SRBD1: variants seen among roughly 807,000 people sequenced by gnomAD.
The protein encoded by SRBD1 is S1 RNA-binding domain-containing protein 1.
A neutral mutation model predicts 115.3 loss-of-function variants in SRBD1; 88 were observed. That is an observed-to-expected ratio of 0.76 (90% CI 0.64 to 0.91). The LOEUF (loss-of-function observed/expected upper bound fraction) is 0.91, where lower values mean the gene tolerates loss of function less well. Ranked by LOEUF, SRBD1 falls within the 40% of genes least tolerant of loss-of-function variation. The pLI, the probability that SRBD1 is intolerant of heterozygous loss-of-function variation, is 0.00. For missense variants in SRBD1, 1,385 were observed against 1,177.4 expected (o/e 1.18, Z -2.58); for synonymous variants, 509 against 407.7 (o/e 1.25, Z -2.99).
chr2:45,410,136 A>G (rs529741692), intron 19 of SRBD1, among the ~76,000 whole-genome samples: 1 of 152,372 alleles, frequency 6.6e-6, no homozygotes, highest in East Asian at 1.9e-4. Flanking sequence ...AAAAATGGCT[A>G]GTAAGCACAT....
chr2:45,462,931 G>A (rs1243368419), intron 16 of SRBD1, among the ~76,000 whole-genome samples: 3 of 149,848 alleles, frequency 2.0e-5, no homozygotes, highest in Non-Finnish European at 4.4e-5. Flanking sequence ...CATTTCTGTG[G>A]ACTGAAAAAC....
intron 14 of SRBD1, among the ~76,000 whole-genome samples, chr2:45,499,586 G>A (rs1670562747): frequency 6.6e-6 from 1 of 152,100 alleles, no homozygotes; most frequent in African/African-American, 2.4e-5. Flanking sequence ...CTGATCGGCA[G>A]CATTTCCCCC....
intron 4 of SRBD1, among the ~76,000 whole-genome samples, chr2:45,591,563 G>A (rs1039723110): frequency 6.6e-6 from 1 of 152,182 alleles, no homozygotes; most frequent in Non-Finnish European, 1.5e-5. Flanking sequence ...ACATGTACAA[G>A]GAGTGTGAAG....
chr2:45,605,548 A>T (rs1276538929), intron 1 of SRBD1, 107 bp from the exon 2 acceptor site: 1 of 1,048,634 alleles, frequency 9.5e-7, no homozygotes, highest in Non-Finnish European at 1.4e-6. Context: ...GAAAAAAACA[A>T]AAACAATGAT....
intron 14 of SRBD1, among the ~76,000 whole-genome samples, chr2:45,513,256 C>A (rs557652405): frequency 1.4e-4 from 22 of 152,196 alleles, no homozygotes; most frequent in African/African-American, 5.3e-4. Flanking sequence ...ACTGTGTTAG[C>A]CCAAACGTAA....
At chr2:45,403,944 G>C (rs560729968) in intron 19 of SRBD1, among the ~76,000 whole-genome samples, 1 of 152,114 alleles carries the variant, frequency 6.6e-6, no homozygotes, top group Non-Finnish European at 1.5e-5. Context: ...CATTTAGAAC[G>C]TGCAGAGCAC....
intron 18 of SRBD1, among the ~76,000 whole-genome samples, chr2:45,414,714 G>GTA (rs141627324): frequency 1.0e-5 from 1 of 99,722 alleles, no homozygotes; most frequent in East Asian, 2.2e-4. Context: ...TATATAGTAT[G>GTA]TATATACACA....
intron 4 of SRBD1, among the ~76,000 whole-genome samples, chr2:45,590,783 G>C (rs574938774): frequency 2.0e-5 from 3 of 152,264 alleles, no homozygotes; most frequent in Non-Finnish European, 4.4e-5. Flanking sequence ...TTGGGAGGCC[G>C]AGGCGTGCGG....
chr2:45,528,366 T>C (rs1671513373), intron 14 of SRBD1, among the ~76,000 whole-genome samples: 1 of 151,756 alleles, frequency 6.6e-6, no homozygotes, highest in Non-Finnish European at 1.5e-5. Context: ...AGGAGACACA[T>C]TTCAGAGACA....
intron 1 of SRBD1, among the ~76,000 whole-genome samples, chr2:45,607,544 C>A (rs945773365): frequency 1.3e-5 from 2 of 151,848 alleles, no homozygotes; most frequent in Non-Finnish European, 2.9e-5. Context: ...AAAAGACTAA[C>A]AAATTGCAAC....
intron 16 of SRBD1, among the ~76,000 whole-genome samples, chr2:45,437,357 TAA>T (rs144108756): frequency 1.6e-4 from 22 of 133,960 alleles, no homozygotes; most frequent in Middle Eastern, 3.8e-3. Context: ...AGTATTGGTT[TAA>T]AAAAAAAAAA....
intron 16 of SRBD1, among the ~76,000 whole-genome samples, chr2:45,437,430 C>G (rs756032839): frequency 2.7e-4 from 41 of 150,136 alleles, no homozygotes; most frequent in Non-Finnish European, 3.7e-4. Flanking sequence ...ATAGAGTCAA[C>G]TGATCTTTGA....
At chr2:45,436,549 C>T (rs1668504936) in intron 16 of SRBD1, among the ~76,000 whole-genome samples, 1 of 152,112 alleles carries the variant, frequency 6.6e-6, no homozygotes, top group African/African-American at 2.4e-5. Flanking sequence ...CTGGGGAGGC[C>T]TCAGGAAACT....
At chr2:45,473,200 AT>A (rs1051900760) in intron 16 of SRBD1, among the ~76,000 whole-genome samples, 20 of 152,074 alleles carry the variant, frequency 1.3e-4, no homozygotes, top group African/African-American at 4.6e-4. Context: ...TAAATATCTT[AT>A]TGGTGGTTGT....
chr2:45,599,893 A>T, intron 3 of SRBD1, 58 bp from the exon 4 acceptor site: 2 of 1,502,786 alleles, frequency 1.3e-6, no homozygotes, highest in South Asian at 2.6e-5. Context: ...ATTTCCTGGG[A>T]CTATTACTCA....
intron 14 of SRBD1, among the ~76,000 whole-genome samples, chr2:45,517,926 G>C (rs2103945708): frequency 6.6e-6 from 1 of 152,180 alleles, no homozygotes; most frequent in South Asian, 2.1e-4. Flanking sequence ...CCTTGAGCCT[G>C]GGAGGTTGAG....
chr2:45,535,743 A>T (rs945896246), intron 14 of SRBD1, among the ~76,000 whole-genome samples: 1 of 151,936 alleles, frequency 6.6e-6, no homozygotes, highest in African/African-American at 2.4e-5. Context: ...ATCCTATCTC[A>T]CAAATCAAAA....
At chr2:45,394,844 C>T (rs560375810) in intron 19 of SRBD1, among the ~76,000 whole-genome samples, 70 of 152,070 alleles carry the variant, frequency 4.6e-4, no homozygotes, top group Non-Finnish European at 6.5e-4. Context: ...AATAAAATAC[C>T]AAAACGTTGG....
At position 45,601,961 on chromosome 2, in the gene SRBD1, T is replaced by C. The variant is rs1159465312; in HGVS notation, c.203A>G (p.Lys68Arg). ...ESKPKRMPRV[K>R]KNAPQISDGS... ...ATCACTGATCTGTGGGGCATTCTTC[T>C]TCACCCGAGGCATCCTCTTTGGTTT... Residue 68 changes from lysine (K) to arginine (R), a missense_variant, in exon 3 of 21, where the codon AAG becomes AGG. By Grantham distance (26) the Lys-to-Arg change is conservative. Transcript: ENST00000263736. 1 of 1,614,220 alleles carries C rather than the reference T, an allele frequency of 6.2e-7. No individual in the cohort carries two copies. Among genetic ancestry groups the C allele is most frequent in the South Asian group, 1.1e-5 (1 of 91,086 alleles).
Sources: gnomAD v4.1 joint callset for allele counts (sites outside exome capture counted in the v4.1 genomes callset) on GRCh38, gnomAD v4.1.1 for gene constraint, MANE v1.5 for transcripts, NCBI Gene and HGNC (gene_info 2026-07-23, HGNC 2026-07-21) for gene names.